ZNF609: variants seen among roughly 807,000 people sequenced by gnomAD.
ZNF609 encodes the protein zinc finger protein 609.
Under a neutral mutation model 109.5 loss-of-function variants are expected in ZNF609, and 11 were observed. The ratio of observed to expected loss-of-function variants is 0.10; its 90% confidence interval spans 0.06 to 0.17. The LOEUF (loss-of-function observed/expected upper bound fraction) is 0.17, where lower values mean the gene tolerates loss of function less well. Among genes scored for constraint, ZNF609 ranks in the 10% least tolerant of loss-of-function variants. ZNF609 has a pLI of 1.00. For missense variants in ZNF609, 1,559 were observed against 1,772.4 expected (o/e 0.88, Z 2.16); for synonymous variants, 646 against 662.0 (o/e 0.98, Z 0.37).
intron 2 of ZNF609, among the ~76,000 whole-genome samples, chr15:64,608,034 G>T (rs1227510495): frequency 6.6e-6 from 1 of 150,704 alleles, no homozygotes; most frequent in African/African-American, 2.4e-5. Context: ...GAGTAGCTGG[G>T]ATTACAGGCA....
chr15:64,575,595 C>T (rs903706019), intron 2 of ZNF609, among the ~76,000 whole-genome samples: 12 of 151,280 alleles, frequency 7.9e-5, no homozygotes, highest in Non-Finnish European at 1.5e-4. Context: ...CTCTTAATAC[C>T]GAATTCTCTT....
intron 1 of ZNF609, among the ~76,000 whole-genome samples, chr15:64,471,595 T>TC (rs1205460693): frequency 6.6e-6 from 1 of 152,144 alleles, no homozygotes; most frequent in Non-Finnish European, 1.5e-5. Flanking sequence ...GTTTTTTTTG[T>TC]CCCCCCAAGA....
chr15:64,600,815 T>A (rs148782360), intron 2 of ZNF609, among the ~76,000 whole-genome samples: 53 of 152,332 alleles, frequency 3.5e-4, no homozygotes, highest in African/African-American at 1.3e-3. Context: ...TTATATAGTC[T>A]TTGTTATTTG....
chr15:64,552,723 C>T (rs1595715989), intron 2 of ZNF609, among the ~76,000 whole-genome samples: 1 of 152,224 alleles, frequency 6.6e-6, no homozygotes, highest in Non-Finnish European at 1.5e-5. Context: ...GATCATAGCT[C>T]ACTGCAGCCC....
intron 3 of ZNF609, among the ~76,000 whole-genome samples, chr15:64,667,958 C>T (rs1896674395): frequency 6.6e-6 from 1 of 152,066 alleles, no homozygotes; most frequent in Non-Finnish European, 1.5e-5. Context: ...AGGAGGGAAG[C>T]TTTAAGGAGT....
chr15:64,572,347 G>T (rs796480197), intron 2 of ZNF609, among the ~76,000 whole-genome samples: 1 of 152,118 alleles, frequency 6.6e-6, no homozygotes, highest in Non-Finnish European at 1.5e-5. Context: ...AAATAAATTC[G>T]CTGGGCATGG....
chr15:64,595,665 T>C (rs1236004509), intron 2 of ZNF609, among the ~76,000 whole-genome samples: 1 of 152,166 alleles, frequency 6.6e-6, no homozygotes, highest in East Asian at 1.9e-4. Flanking sequence ...GTCTTGAAGT[T>C]TGGAGAAGTG....
In ZNF609 at chr15:64,500,078, G is replaced by A; in HGVS notation, c.659G>A (p.Gly220Glu). The change falls in exon 2 of 10, where the codon GGG (glycine) becomes GAG (glutamate). Residue 220 changes from glycine (G) to glutamate (E), a missense_variant. Coordinates refer to ENST00000326648, the MANE Select transcript of ZNF609 (RefSeq NM_015042.2). ...EPLGSIAIEP[G>E]AALNPLGTKP... is the part of the protein sequence containing the mutation. ...CTTGGGAGTATAGCTATTGAGCCTG[G>A]GGCAGCGCTCAATCCTTTGGGAACT... The A allele has an allele frequency of 3.7e-6, 6 of 1,614,136 alleles. No individual in the cohort carries two copies. The highest frequency in any genetic ancestry group is 5.1e-6 in the Non-Finnish European group (6 of 1,180,034).
In ZNF609 at chr15:64,466,036, A is replaced by G. The variant is rs1025431898; in HGVS notation, c.-128+5198A>G. 1.4e-5 allele frequency among the ~76,000 whole-genome samples: 2 copies of G among 144,344 alleles called. 1 individual carries two copies. The highest frequency in any genetic ancestry group is 1.5e-4 in the Admixed American group (2 of 13,096). The allele number at this position is 144,344 out of a possible 152,430, so 94.7% of individuals were successfully genotyped here. A position where few individuals can be genotyped will look rare whatever the true frequency, so the allele number is the denominator to read the frequency against. ...GAGGCTGAGGCAGGAGAATCGCTTGAACCCGGGAGGTGGAGGTTGCAGTGA... is the reference window on the plus strand; with the variant it reads ...GAGGCTGAGGCAGGAGAATCGCTTGGACCCGGGAGGTGGAGGTTGCAGTGA... On this transcript the variant is annotated intron_variant, in intron 1 of 9. Coordinates refer to ENST00000326648, the MANE Select transcript of ZNF609 (RefSeq NM_015042.2).
At chr15:64,614,523 G>A (rs945999880) in intron 2 of ZNF609, among the ~76,000 whole-genome samples, 17 of 151,778 alleles carry the variant, frequency 1.1e-4, no homozygotes, top group Admixed American at 7.2e-4. Flanking sequence ...GTGAGCCACC[G>A]CGCCTGGCCT....
chr15:64,515,276 C>T (rs1329638226), intron 2 of ZNF609, among the ~76,000 whole-genome samples: 1 of 152,236 alleles, frequency 6.6e-6, no homozygotes, highest in East Asian at 1.9e-4. Flanking sequence ...ATACCTTATT[C>T]GAAGGCTTGG....
rs990773276 is a variant in ZNF609 at position 64,499,295 on chromosome 15, A to G, written c.-125A>G. The G allele has an allele frequency of 1.6e-6, 2 of 1,283,872 alleles. No individual in the cohort carries two copies. Among genetic ancestry groups the G allele is most frequent in the Non-Finnish European group, 2.1e-6 (2 of 936,626 alleles). 79.5% of individuals were successfully genotyped at this position (1,283,872 alleles called of 1,614,324 possible). A position where few individuals can be genotyped will look rare whatever the true frequency, so the allele number is the denominator to read the frequency against. On this transcript the variant is annotated splice_region_variant and 5_prime_UTR_variant, in exon 2 of 10. It removes an upstream start codon present in the reference 5' UTR. Transcript: ENST00000326648. ...CTTTTTAAATTTTCTTTTTCCAGCA[A>G]TGATGTTGTCCACTGGGCATGTACT... is the stretch of plus-strand genomic sequence containing the variant.
At chr15:64,555,295 A>G (rs916541084) in intron 2 of ZNF609, among the ~76,000 whole-genome samples, 13 of 151,996 alleles carry the variant, frequency 8.6e-5, no homozygotes, top group Non-Finnish European at 1.6e-4. Context: ...TGAGCCCAGG[A>G]GGTTGAGGCT....
intron 1 of ZNF609, among the ~76,000 whole-genome samples, chr15:64,492,305 A>T (rs1454678962): frequency 1.3e-5 from 2 of 152,182 alleles, no homozygotes; most frequent in East Asian, 3.8e-4. Context: ...GGAAAACCCT[A>T]ATCACTGAGT....
chr15:64,471,600 C>A (rs1054448351), intron 1 of ZNF609, among the ~76,000 whole-genome samples: 1 of 151,880 alleles, frequency 6.6e-6, no homozygotes, highest in Non-Finnish European at 1.5e-5. Flanking sequence ...TTTTGTCCCC[C>A]CAAGATGGAG....
At position 64,659,800 on chromosome 15, in the gene ZNF609, C is replaced by T. The variant is rs1043046834; in HGVS notation, c.974-10546C>T. On this transcript the variant is annotated intron_variant, in intron 3 of 9. Coordinates refer to ENST00000326648, the MANE Select transcript of ZNF609 (RefSeq NM_015042.2). ...TGTGGTCCAAAGTTAATTTTCAAAA[C>T]ATTTTTTTGGAACGCAAAATATTTT... Among the ~76,000 whole-genome samples the T allele has an allele frequency of 7.9e-5, 12 of 151,284 alleles. No homozygotes were observed. The South Asian group carries it at 2.5e-3, about 32-fold the overall frequency.
At chr15:64,530,273 G>T (rs1038871193) in intron 2 of ZNF609, among the ~76,000 whole-genome samples, 11 of 152,124 alleles carry the variant, frequency 7.2e-5, no homozygotes, top group Admixed American at 4.6e-4. Context: ...GCCTCTCAAA[G>T]TGCTGGGATT....
chr15:64,622,465 G>T (rs1895891493), intron 2 of ZNF609, among the ~76,000 whole-genome samples: 1 of 152,170 alleles, frequency 6.6e-6, no homozygotes, highest in South Asian at 2.1e-4. Context: ...ATCAGTCTGT[G>T]TGCTCTGTTA....
At chr15:64,671,316 G>T (rs1018454893) in intron 4 of ZNF609, 1 of 151,666 alleles carries the variant, frequency 6.6e-6, no homozygotes, top group Non-Finnish European at 1.5e-5. Flanking sequence ...GAGAAGATTA[G>T]CATGGCCCCT....
Sources: gnomAD v4.1 joint callset for allele counts (sites outside exome capture counted in the v4.1 genomes callset) on GRCh38, gnomAD v4.1.1 for gene constraint, MANE v1.5 for transcripts, NCBI Gene and HGNC (gene_info 2026-07-23, HGNC 2026-07-21) for gene names.